CLDN16: variants seen among roughly 807,000 people sequenced by gnomAD.
CLDN16 encodes the protein claudin 16, also known as claudin-16.
Under a neutral mutation model 24.6 loss-of-function variants are expected in CLDN16, and 13 were observed. That is an observed-to-expected ratio of 0.53 (90% CI 0.34 to 0.84). CLDN16 has a LOEUF of 0.84. CLDN16 is among the 40% of genes least tolerant of loss of function. CLDN16 has a pLI of 0.01. For missense variants in CLDN16, 298 were observed against 292.7 expected, an observed-to-expected ratio of 1.02 and a Z score of -0.13; for synonymous variants, 116 against 106.7, an observed-to-expected ratio of 1.09 and a Z score of -0.54.
At chr3:190,379,482 A>G (rs1390892966) in intron 3 of CLDN16, among the ~76,000 whole-genome samples, 2 of 152,106 alleles carry the variant, frequency 1.3e-5, no homozygotes, top group Non-Finnish European at 2.9e-5. Context: ...CATAGAATTC[A>G]TTTGTTCATT....
the CLDN16 span, among the ~76,000 whole-genome samples, chr3:190,311,633 C>T: frequency 5.3e-5 from 8 of 150,378 alleles, no homozygotes; most frequent in Non-Finnish European, 1.2e-4. Flanking sequence ...TAATATACTA[C>T]ATATATAATA....
chr3:190,333,818 GTA>G (rs1402553906), intron 1 of CLDN16, among the ~76,000 whole-genome samples: 1 of 151,982 alleles, frequency 6.6e-6, no homozygotes, highest in Non-Finnish European at 1.5e-5. Context: ...CTTCAAAGGT[GTA>G]TTATTTGCAA....
intron 3 of CLDN16, among the ~76,000 whole-genome samples, chr3:190,377,372 A>G (rs1412176243): frequency 6.6e-6 from 1 of 151,862 alleles, no homozygotes; most frequent in Non-Finnish European, 1.5e-5. Flanking sequence ...GGGTTGAAAC[A>G]TTTTACTAAA....
At chr3:190,349,826 G>A (rs746278971) in intron 1 of CLDN16, among the ~76,000 whole-genome samples, 1 of 152,154 alleles carries the variant, frequency 6.6e-6, no homozygotes, top group Non-Finnish European at 1.5e-5. Context: ...TCTCAGCTGT[G>A]CTGCCCCAGG....
At chr3:190,395,038 A>G (rs1718781263) in intron 1 of CLDN16, among the ~76,000 whole-genome samples, 1 of 152,160 alleles carries the variant, frequency 6.6e-6, no homozygotes, top group Non-Finnish European at 1.5e-5. Context: ...TTTACTCAAC[A>G]TAAATTGTGA....
At chr3:190,361,441 T>C (rs1717885585) in intron 1 of CLDN16, among the ~76,000 whole-genome samples, 1 of 151,986 alleles carries the variant, frequency 6.6e-6, no homozygotes, top group Admixed American at 6.6e-5. Flanking sequence ...AGTTTATGGT[T>C]TGACTCTGAA....
At chr3:190,305,706 C>T in the CLDN16 span, 2 of 152,030 alleles carry the variant, frequency 1.3e-5, no homozygotes, top group Admixed American at 6.6e-5. Context: ...GCCAATAATC[C>T]TTTTTTTAAA....
chr3:190,323,015 C>CACACACACAA (rs1172052778), intron 1 of CLDN16, among the ~76,000 whole-genome samples: 3 of 149,508 alleles, frequency 2.0e-5, no homozygotes, highest in South Asian at 2.2e-4. Context: ...CACACACACA[C>CACACACACAA]ACACACACAC....
intron 1 of CLDN16, among the ~76,000 whole-genome samples, chr3:190,366,574 G>A (rs1046343397): frequency 5.9e-5 from 9 of 151,882 alleles, no homozygotes; most frequent in Non-Finnish European, 8.8e-5. Context: ...CCTGTAAAAG[G>A]GTGAGAGTAA....
chr3:190,380,151 TCCCTC>T (rs1351784219), intron 3 of CLDN16, among the ~76,000 whole-genome samples: 166 of 9,448 alleles, frequency 0.018, 5 homozygotes, highest in Non-Finnish European at 0.02. Flanking sequence ...TTTTCTTCCT[TCCCTC>T]CCTTCCTTCC....
chr3:190,409,254 A>ATGTATATATGCACACACGTATATGCATG (rs1553809818), intron 4 of CLDN16, among the ~76,000 whole-genome samples: 3 of 151,780 alleles, frequency 2.0e-5, no homozygotes, highest in Admixed American at 2.0e-4. Flanking sequence ...ACGTATATGC[A>ATGTATATATGCACACACGTATATGCATG]TGTATATATG....
Position 190,341,424 on chromosome 3 carries a change from T to C in CLDN16, n.121+18763T>C, listed in dbSNP as rs376273050. On this transcript the variant is annotated intron_variant and non_coding_transcript_variant, in intron 1 of 4. Transcript: ENST00000468220. The stretch of plus-strand genomic sequence containing the variant: ...GCCAAGGTTTGGGAATTGCACCCTC[T>C]GAAGTCATGGCCTGAGCTCTATGTT... 2.6e-5 allele frequency among the ~76,000 whole-genome samples: 4 copies of C among 152,310 alleles called. No homozygotes were observed. The East Asian group carries it at 7.7e-4, about 29-fold the overall frequency.
chr3:190,386,492 G>A (rs1445070777), upstream of CLDN16, among the ~76,000 whole-genome samples: 1 of 152,138 alleles, frequency 6.6e-6, no homozygotes. Context: ...CAGCTATTAA[G>A]TGACTAAGGG....
At chr3:190,313,819 T>G in the CLDN16 span, among the ~76,000 whole-genome samples, 1 of 152,196 alleles carries the variant, frequency 6.6e-6, no homozygotes, top group East Asian at 1.9e-4. Flanking sequence ...ATTTTTGGTG[T>G]ACTAACTCAT....
chr3:190,403,940 T>C (rs1220728254), intron 2 of CLDN16, among the ~76,000 whole-genome samples: 1 of 152,160 alleles, frequency 6.6e-6, no homozygotes, highest in East Asian at 1.9e-4. Flanking sequence ...AATTTAAAAC[T>C]TTTAAATACT....
At chr3:190,363,197 T>C (rs977008513) in intron 1 of CLDN16, among the ~76,000 whole-genome samples, 2 of 151,856 alleles carry the variant, frequency 1.3e-5, no homozygotes, top group Admixed American at 1.3e-4. Context: ...GTCATTATTT[T>C]TTTCTTTTTG....
At chr3:190,404,986 A>C in intron 3 of CLDN16, 60 bp downstream of exon 3, 1 of 1,538,400 alleles carries the variant, frequency 6.5e-7, no homozygotes. Context: ...GCTTGAGGTG[A>C]AGGAGAGAGT....
At chr3:190,292,003 C>G in the CLDN16 span, among the ~76,000 whole-genome samples, 17,636 of 152,208 alleles carry the variant, frequency 0.12, 1,358 homozygotes, top group East Asian at 0.41. Flanking sequence ...TCCAGGTGCA[C>G]ATTGCAAGCT....
chr3:190,407,495 A>G (rs1719135848), intron 3 of CLDN16, among the ~76,000 whole-genome samples: 1 of 152,156 alleles, frequency 6.6e-6, no homozygotes, highest in Admixed American at 6.5e-5. Context: ...GCATGTGGAG[A>G]GTACATATTT....
Sources: gnomAD v4.1 joint callset for allele counts (sites outside exome capture counted in the v4.1 genomes callset) on GRCh38, gnomAD v4.1.1 for gene constraint, MANE v1.5 for transcripts, NCBI Gene and HGNC (gene_info 2026-07-23, HGNC 2026-07-21) for gene names.